The following DCDC2 variants were observed in gnomAD, a reference collection of about 807,000 sequenced individuals.
DCDC2 encodes doublecortin domain-containing protein 2.
Under a neutral mutation model 50.2 loss-of-function variants are expected in DCDC2, and 40 were observed. The observed-to-expected ratio is 0.80, with a 90% CI of 0.62 to 1.04. DCDC2 has a LOEUF of 1.04. Ranked by LOEUF, DCDC2 falls within the 50% of genes least tolerant of loss-of-function variation. The pLI is 0.00. For synonymous variants in DCDC2, 234 were observed against 210.6 expected (o/e 1.11, Z -0.96); for missense variants, 570 against 581.9 (o/e 0.98, Z 0.21).
At chr6:24,359,673 G>T (rs1022148848), upstream of DCDC2, among the ~76,000 whole-genome samples, 1 of 148,120 alleles carries the variant, frequency 6.8e-6, no homozygotes, top group African/African-American at 2.5e-5. Context: ...GAGGCAGGAG[G>T]CTCACTTGAG....
At chr6:24,217,094 C>T (rs1761999188) in intron 7 of DCDC2, among the ~76,000 whole-genome samples, 1 of 151,994 alleles carries the variant, frequency 6.6e-6, no homozygotes, top group Non-Finnish European at 1.5e-5. Context: ...ACATAAAAAA[C>T]TCCTTAGCTT....
chr6:24,193,010 A>G (rs898589715), intron 8 of DCDC2, among the ~76,000 whole-genome samples: 6 of 152,082 alleles, frequency 3.9e-5, no homozygotes, highest in Non-Finnish European at 7.4e-5. Context: ...CAGAGAAAGG[A>G]AAAAGGGTTA....
chr6:24,232,250 A>G (rs1045683576), intron 7 of DCDC2, among the ~76,000 whole-genome samples: 35 of 152,238 alleles, frequency 2.3e-4, no homozygotes, highest in Non-Finnish European at 1.8e-4. Flanking sequence ...AGGCACAGAA[A>G]TATTTTAACT....
intron 8 of DCDC2, among the ~76,000 whole-genome samples, chr6:24,201,056 G>C (rs1349104122): frequency 1.3e-5 from 2 of 152,008 alleles, no homozygotes; most frequent in Admixed American, 1.3e-4. Flanking sequence ...AAAATTAGTG[G>C]GAGACTTTAA....
At chr6:24,253,005 T>A (rs1466432113) in intron 7 of DCDC2, among the ~76,000 whole-genome samples, 1 of 151,732 alleles carries the variant, frequency 6.6e-6, no homozygotes, top group African/African-American at 2.4e-5. Flanking sequence ...ATAATGAAAA[T>A]AAGACAAATC....
At chr6:24,344,129 A>C (rs1036611708) in intron 2 of DCDC2, among the ~76,000 whole-genome samples, 6 of 152,076 alleles carry the variant, frequency 3.9e-5, no homozygotes, top group African/African-American at 1.4e-4. Flanking sequence ...CCCTGTCCTC[A>C]TCCCAAGCGC....
chr6:24,293,009 T>C (rs1289619841), intron 4 of DCDC2, among the ~76,000 whole-genome samples: 2 of 152,232 alleles, frequency 1.3e-5, no homozygotes, highest in Non-Finnish European at 2.9e-5. Context: ...TCAGTAGTAA[T>C]TTCATAGCTA....
At chr6:24,187,832 G>A (rs547214834) in intron 8 of DCDC2, among the ~76,000 whole-genome samples, 7 of 152,240 alleles carry the variant, frequency 4.6e-5, no homozygotes, top group African/African-American at 1.7e-4. Context: ...GCCTAAGCAC[G>A]TCATATGCAT....
At position 24,178,324 on chromosome 6, in the gene DCDC2, A is replaced by C. The variant is rs530158986; in HGVS notation, c.1326+6T>G. On this transcript the variant is annotated splice_donor_region_variant and intron_variant, in intron 9 of 9. Coordinates refer to ENST00000378454, the MANE Select transcript of DCDC2 (RefSeq NM_016356.5). Reference sequence around the variant, plus strand: ...TCACATAAGCAAGCAAAAGCAATAGAAATACCTCATCTTGTCCACTGCCAG... The same window carrying C: ...TCACATAAGCAAGCAAAAGCAATAGCAATACCTCATCTTGTCCACTGCCAG... 6.2e-7 allele frequency: 1 copy of C among 1,611,320 alleles called. No homozygotes were observed. The highest frequency in any genetic ancestry group is 1.7e-5 in the Admixed American group (1 of 59,826).
At chr6:24,305,922 G>T (rs1244806513) in intron 2 of DCDC2, among the ~76,000 whole-genome samples, 1 of 152,016 alleles carries the variant, frequency 6.6e-6, no homozygotes, top group African/African-American at 2.4e-5. Context: ...CCAACTACTT[G>T]GAAGCTGAGG....
At chr6:24,195,898 T>C (rs748084646) in intron 8 of DCDC2, among the ~76,000 whole-genome samples, 1 of 152,182 alleles carries the variant, frequency 6.6e-6, no homozygotes, top group African/African-American at 2.4e-5. Flanking sequence ...CCATGGAGAA[T>C]TGCCTCCCAA....
intron 9 of DCDC2, 136 bp downstream of exon 9, chr6:24,178,194 G>A: frequency 1.2e-6 from 1 of 815,748 alleles, no homozygotes; most frequent in Non-Finnish European, 2.0e-6. Context: ...GGGATTAAAT[G>A]GTATTGGATC....
chr6:24,242,216 T>C (rs1247588966), intron 7 of DCDC2, among the ~76,000 whole-genome samples: 2 of 152,144 alleles, frequency 1.3e-5, no homozygotes, highest in African/African-American at 4.8e-5. Flanking sequence ...AAACAATTAA[T>C]TTACTATTAT....
At chr6:24,298,787 C>A (rs772270966) in intron 4 of DCDC2, among the ~76,000 whole-genome samples, 1 of 152,140 alleles carries the variant, frequency 6.6e-6, no homozygotes, top group African/African-American at 2.4e-5. Context: ...GACAAACAGG[C>A]CCGTTCATAG....
chr6:24,319,287 G>GT lies in DCDC2; in HGVS notation c.349-17244dup, dbSNP rs61360886. ...ACTTTTTAATGAAATTATTTGTGGG[G>GT]TTTTTTTTTTTCCTTTTTTGAGTTG... On this transcript the variant is annotated intron_variant, in intron 2 of 9. Coordinates refer to ENST00000378454, the MANE Select transcript of DCDC2 (RefSeq NM_016356.5). 6.9e-4 allele frequency among the ~76,000 whole-genome samples: 102 copies of GT among 148,536 alleles called. 1 individual carries two copies. The highest frequency in any genetic ancestry group is 1.9e-3 in the African/African-American group (77 of 40,604).
chr6:24,369,502 C>T, the DCDC2 span, among the ~76,000 whole-genome samples: 1 of 151,718 alleles, frequency 6.6e-6, no homozygotes, highest in Non-Finnish European at 1.5e-5. Flanking sequence ...CCCAGCTACT[C>T]AGGAGGCTGA....
At chr6:24,246,769 G>A (rs1409604543) in intron 7 of DCDC2, among the ~76,000 whole-genome samples, 1 of 152,100 alleles carries the variant, frequency 6.6e-6, no homozygotes, top group African/African-American at 2.4e-5. Context: ...TTACAGGCAT[G>A]AGCCACCGTG....
chr6:24,358,996 T>C (rs1581671618), upstream of DCDC2, among the ~76,000 whole-genome samples: 2 of 71,268 alleles, frequency 2.8e-5, no homozygotes, highest in South Asian at 4.0e-4. Flanking sequence ...TATTATATAT[T>C]ATATATTTTA....
intron 7 of DCDC2, among the ~76,000 whole-genome samples, chr6:24,236,582 G>T (rs1762443837): frequency 6.6e-6 from 1 of 152,060 alleles, no homozygotes; most frequent in South Asian, 2.1e-4. Context: ...GCACACCAAA[G>T]AAACTATCAA....
Sources: allele counts gnomAD v4.1 joint callset (sites outside exome capture counted in the v4.1 genomes callset), GRCh38; gene constraint gnomAD v4.1.1; transcripts MANE v1.5; gene names NCBI Gene and HGNC (gene_info 2026-07-23, HGNC 2026-07-21).